The following GOLGA4 variants were observed in gnomAD, a reference collection of about 807,000 sequenced individuals.
GOLGA4 encodes golgin A4.
A neutral mutation model predicts 265.9 loss-of-function variants in GOLGA4; 169 were observed. The observed-to-expected ratio is 0.64, with a 90% CI of 0.56 to 0.72. GOLGA4 has a LOEUF of 0.72. GOLGA4 is among the 30% of genes least tolerant of loss of function. GOLGA4 has a pLI of 0.00. For missense variants in GOLGA4, 2,482 were observed against 2,483.4 expected (o/e 1.00, Z 0.01); for synonymous variants, 923 against 855.8 (o/e 1.08, Z -1.37).
intron 7 of GOLGA4, among the ~76,000 whole-genome samples, chr3:37,297,626 A>G (rs2096881946): frequency 6.6e-6 from 1 of 152,236 alleles, no homozygotes; most frequent in South Asian, 2.1e-4. Flanking sequence ...TTCTTCAGAT[A>G]AAGATTAAAC....
At chr3:37,356,881 TCTA>T (rs2097092275) in intron 22 of GOLGA4, among the ~76,000 whole-genome samples, 2 of 152,312 alleles carry the variant, frequency 1.3e-5, no homozygotes, top group African/African-American at 4.8e-5. Context: ...AAACTTTACT[TCTA>T]CTGCATTTTC....
In GOLGA4 at chr3:37,325,555, A is replaced by G. The variant is rs2096967694; in HGVS notation, c.3669A>G (p.Lys1223=). ...LAIQLDICCK[K]TEALLEAKTN... is the part of the protein sequence containing the mutation. ...TTCAGCTAGATATTTGCTGTAAGAA[A>G]ACCGAAGCCTTATTAGAAGCTAAAA... Residue 1223 remains lysine, a synonymous_variant, in exon 14 of 24, where the codon AAA becomes AAG. Transcript: ENST00000361924. 1 of 1,613,506 alleles carries G rather than the reference A, an allele frequency of 6.2e-7. No individual in the cohort carries two copies. Among genetic ancestry groups the G allele is most frequent in the African/African-American group, 1.3e-5 (1 of 74,872 alleles).
At position 37,328,520 on chromosome 3, in the gene GOLGA4, C is replaced by T. The variant is rs779557619; in HGVS notation, c.6044C>T (p.Thr2015Ile). The change falls in exon 15 of 24, where the codon ACC becomes ATC. Residue 2015 changes from threonine (T) to isoleucine (I), a missense_variant. This residue lies in a region of GOLGA4 where 942 missense variants were observed against 983.1 expected (regional missense o/e 0.96). Coordinates refer to ENST00000361924, the MANE Select transcript of GOLGA4 (RefSeq NM_002078.5). ...CAAAAGGAACAAGAGCTGGAAATGA[C>T]CATAAAAGAAACTATCAGTAAGTAA... ...LAQKEQELEM[T>I]IKETINKAQE... is the part of the protein sequence containing the mutation. 12 of 1,611,218 alleles carry T rather than the reference C, an allele frequency of 7.4e-6. No individual in the cohort carries two copies. In the South Asian group the frequency reaches 1.3e-4, roughly 18 times the overall value.
intron 2 of GOLGA4, among the ~76,000 whole-genome samples, chr3:37,254,889 A>G: frequency 6.8e-6 from 1 of 148,098 alleles, no homozygotes; most frequent in Admixed American, 6.8e-5. Context: ...TATACATTAT[A>G]TAAATTAGCT....
At position 37,317,661 on chromosome 3, in the gene GOLGA4, TTA is replaced by T. The variant is rs1314846867; in HGVS notation, c.1414-1400_1414-1399del. On this transcript the variant is annotated intron_variant, in intron 11 of 23. Coordinates refer to ENST00000361924, the MANE Select transcript of GOLGA4 (RefSeq NM_002078.5). The stretch of plus-strand genomic sequence containing the variant: ...ATATTTCCCCCCAATAAAGATGGCA[TTA>T]TCTAACTTTATCTTTCCAAGTTTAT... 2.6e-5 allele frequency among the ~76,000 whole-genome samples: 4 copies of T among 152,346 alleles called. No individual in the cohort carries two copies. The East Asian group carries it at 7.7e-4, about 29-fold the overall frequency.
rs115911271 is a variant in GOLGA4 at position 37,327,517 on chromosome 3, G to T, written c.5631G>T (p.Leu1877Phe). Reference sequence around the variant, plus strand: ...TACATAGAGTTGAAATGGAAGAGTTGACCTCAAAATATGAAAAATTACAGG... The same window carrying T: ...TACATAGAGTTGAAATGGAAGAGTTTACCTCAAAATATGAAAAATTACAGG... Reference protein sequence around the residue: ...KEVHRVEMEELTSKYEKLQAL... With the variant: ...KEVHRVEMEEFTSKYEKLQAL... The change falls in exon 14 of 24, where the codon TTG becomes TTT. Residue 1877 changes from leucine (L) to phenylalanine (F), a missense_variant. Physicochemically the swap from Leu to Phe is conservative, Grantham distance 22 (BLOSUM62 0). Transcript: ENST00000361924. 127 of 1,613,248 alleles carry T rather than the reference G, an allele frequency of 7.9e-5. No individual in the cohort carries two copies. The African/African-American group carries it at 1.2e-3, about 15-fold the overall frequency.
chr3:37,288,760 G>C (rs923396591), intron 4 of GOLGA4, among the ~76,000 whole-genome samples: 2 of 152,292 alleles, frequency 1.3e-5, no homozygotes, highest in South Asian at 2.1e-4. Flanking sequence ...TTACAGGTGT[G>C]AGCCACTGCG....
rs553344945 is a variant in GOLGA4, at chr3:37,340,044, TGTG to T, written c.6397-76_6397-74del. Reference sequence around the variant, plus strand: ...TTCTGTCTTCAGCATTAAAAAACCTTGTGGTGACAGCAATCTTTCTTTTTCTTA... The same window carrying T: ...TTCTGTCTTCAGCATTAAAAAACCTTGTGACAGCAATCTTTCTTTTTCTTA... On this transcript the variant is annotated intron_variant, in intron 19 of 23. Transcript: ENST00000361924. 289 of 650,130 alleles carry T rather than the reference TGTG, an allele frequency of 4.4e-4. 2 individuals carry two copies. In the East Asian group the frequency reaches 7.7e-3, roughly 17 times the overall value. 40.3% of individuals were successfully genotyped at this position (650,130 alleles called of 1,614,324 possible). A position where few individuals can be genotyped will look rare whatever the true frequency, so the allele number is the denominator to read the frequency against.
At chr3:37,291,930 G>T (rs2096865689) in intron 5 of GOLGA4, among the ~76,000 whole-genome samples, 2 of 151,506 alleles carry the variant, frequency 1.3e-5, no homozygotes, top group Non-Finnish European at 2.9e-5. Context: ...TCTTGCTGCT[G>T]CAACAAATTA....
intron 1 of GOLGA4, chr3:37,250,512 T>C (rs2096730975): frequency 6.6e-6 from 1 of 152,232 alleles, no homozygotes; most frequent in Non-Finnish European, 1.5e-5. Flanking sequence ...TGTGCACGGA[T>C]ACCACAGACC....
chr3:37,352,152 C>T (rs2151058900), intron 21 of GOLGA4, among the ~76,000 whole-genome samples: 1 of 152,048 alleles, frequency 6.6e-6, no homozygotes, highest in Middle Eastern at 3.4e-3. Flanking sequence ...TGTATTAGTC[C>T]CTTCTCACGG....
At chr3:37,303,621 GAA>G (rs374650556) in intron 10 of GOLGA4, among the ~76,000 whole-genome samples, 62 of 152,272 alleles carry the variant, frequency 4.1e-4, no homozygotes, top group African/African-American at 1.4e-3. Flanking sequence ...TTGGAAATAA[GAA>G]ATTGGAACAT....
rs1261958840 is a variant in GOLGA4 at position 37,243,531 on chromosome 3, G to C, written c.-20G>C. ...CCCTTCAGGTTTCGTTGACACTCAGGACCGTACGTACGCTGCGCCATGTTC... is the reference window on the plus strand; with the variant it reads ...CCCTTCAGGTTTCGTTGACACTCAGCACCGTACGTACGCTGCGCCATGTTC... On this transcript the variant is annotated 5_prime_UTR_variant, in exon 1 of 24. Coordinates refer to ENST00000361924, the MANE Select transcript of GOLGA4 (RefSeq NM_002078.5). 3.1e-6 allele frequency: 5 copies of C among 1,612,738 alleles called. No homozygotes were observed. The East Asian group carries it at 1.1e-4, about 36-fold the overall frequency.
intron 2 of GOLGA4, chr3:37,275,867 G>T: frequency 1.9e-6 from 3 of 1,613,790 alleles, no homozygotes; most frequent in Non-Finnish European, 2.5e-6. Context: ...GCAGAGTACA[G>T]ATGAGGAAGT....
At chr3:37,285,960 A>T in intron 3 of GOLGA4, 54 bp from the exon 4 acceptor site, 1 of 1,035,602 alleles carries the variant, frequency 9.7e-7, no homozygotes, top group Admixed American at 2.2e-5. Context: ...AGTGGACTTT[A>T]GAATAATTGC....
At chr3:37,270,815 C>A (rs940789604) in intron 2 of GOLGA4, among the ~76,000 whole-genome samples, 1 of 151,976 alleles carries the variant, frequency 6.6e-6, no homozygotes, top group Non-Finnish European at 1.5e-5. Flanking sequence ...TGGGATGATT[C>A]GAGCGCATTA....
intron 11 of GOLGA4, among the ~76,000 whole-genome samples, chr3:37,318,061 T>G (rs932614406): frequency 1.4e-4 from 20 of 147,278 alleles, no homozygotes; most frequent in Non-Finnish European, 2.1e-4. Context: ...TATGGTTTCA[T>G]TTTTTTTTTA....
chr3:37,352,456 C>T (rs564064081), intron 21 of GOLGA4, among the ~76,000 whole-genome samples: 1 of 152,102 alleles, frequency 6.6e-6, no homozygotes, highest in Admixed American at 6.6e-5. Flanking sequence ...CCATTGGGTC[C>T]TTCCCACAAC....
At chr3:37,284,168 C>T (rs1365364876) in intron 3 of GOLGA4, among the ~76,000 whole-genome samples, 1 of 152,174 alleles carries the variant, frequency 6.6e-6, no homozygotes, top group Admixed American at 6.6e-5. Flanking sequence ...ACACAACCCC[C>T]CTCCACCCCT....
Sources: gnomAD v4.1 joint callset for allele counts (sites outside exome capture counted in the v4.1 genomes callset) on GRCh38, gnomAD v4.1.1 for gene constraint, gnomAD v4.1.1 regional missense constraint, MANE v1.5 for transcripts, NCBI Gene and HGNC (gene_info 2026-07-23, HGNC 2026-07-21) for gene names.